Variants in RFT1 observed in about 807,000 individuals in gnomAD.
The protein encoded by RFT1 is man(5)GlcNAc(2)-PP-dolichol translocation protein RFT1.
Under a neutral mutation model 62.2 loss-of-function variants are expected in RFT1, and 43 were observed. That is an observed-to-expected ratio of 0.69 (90% CI 0.54 to 0.89). The LOEUF (loss-of-function observed/expected upper bound fraction) is 0.89. Ranked by LOEUF, RFT1 falls within the 40% of genes least tolerant of loss-of-function variation. The probability of loss-of-function intolerance (pLI) is 0.00; values close to 1 mark genes in which losing one functional copy is unlikely to be tolerated. For synonymous variants in RFT1, 262 were observed against 264.6 expected (o/e 0.99, Z 0.10); for missense variants, 605 against 649.9 (o/e 0.93, Z 0.75).
At chr3:53,099,278 G>A in intron 11 of RFT1, 103 bp downstream of exon 11, 2 of 902,866 alleles carry the variant, frequency 2.2e-6, no homozygotes, top group Non-Finnish European at 3.7e-6. Flanking sequence ...CTCTAAAACA[G>A]CCATCTGTAA....
intron 7 of RFT1, among the ~76,000 whole-genome samples, chr3:53,109,606 T>C (rs1317305375): frequency 6.6e-6 from 1 of 152,022 alleles, no homozygotes; most frequent in Non-Finnish European, 1.5e-5. Flanking sequence ...GTCCAGGAGT[T>C]CAAGACCAGT....
chr3:53,119,159 A>G (rs926809597), intron 6 of RFT1, among the ~76,000 whole-genome samples: 2 of 151,796 alleles, frequency 1.3e-5, no homozygotes, highest in Non-Finnish European at 2.9e-5. Context: ...GGCTGTAGTG[A>G]GCTATGATCA....
intron 10 of RFT1, 130 bp downstream of exon 10, chr3:53,103,823 C>G (rs1257492278): frequency 1.7e-6 from 2 of 1,151,836 alleles, no homozygotes; most frequent in Admixed American, 3.8e-5. Context: ...AGTCCCACAG[C>G]CCCTGCCACC....
intron 11 of RFT1, among the ~76,000 whole-genome samples, chr3:53,094,102 G>T (rs552648767): frequency 6.6e-6 from 1 of 152,128 alleles, no homozygotes; most frequent in Non-Finnish European, 1.5e-5. Context: ...CCTAGAACTT[G>T]GCCAGTACCC....
At chr3:53,092,269 G>A in intron 12 of RFT1, 100 bp downstream of exon 12, 1 of 1,514,106 alleles carries the variant, frequency 6.6e-7, no homozygotes, top group Non-Finnish European at 9.0e-7. Flanking sequence ...GGCCTGGGGA[G>A]GGGACAGGAG....
chr3:53,125,214 C>T (rs1702076171), intron 2 of RFT1, among the ~76,000 whole-genome samples: 1 of 152,198 alleles, frequency 6.6e-6, no homozygotes, highest in Admixed American at 6.5e-5. Flanking sequence ...ACATGAAATG[C>T]TGTCTGGAAC....
rs2107173212 is a variant in RFT1, at chr3:53,125,927, A to G, written c.131T>C (p.Val44Ala). The change falls in exon 2 of 13, where the codon GTT becomes GCT. Residue 44 changes from valine (V) to alanine (A), a missense_variant. Physicochemically the swap from Val to Ala is moderately conservative, Grantham distance 64. Transcript: ENST00000296292. ...FILRFLSKEI[V>A]GVVNVRLTLL... ...CTCCTACCTTACATTTACTACGCCAACGATTTCCTTTGACAGGAAGCGAAG... is the reference window on the plus strand; with the variant it reads ...CTCCTACCTTACATTTACTACGCCAGCGATTTCCTTTGACAGGAAGCGAAG... 6.2e-7 allele frequency: 1 copy of G among 1,613,838 alleles called. No homozygotes were observed. Among genetic ancestry groups the G allele is most frequent in the Non-Finnish European group, 8.5e-7 (1 of 1,179,764 alleles).
intron 9 of RFT1, among the ~76,000 whole-genome samples, chr3:53,105,072 G>A (rs1275265591): frequency 6.6e-6 from 1 of 152,236 alleles, no homozygotes; most frequent in African/African-American, 2.4e-5. Flanking sequence ...CTGGGCATCT[G>A]CAGGGCAATG....
At chr3:53,108,088 G>A (rs1575491492) in intron 7 of RFT1, among the ~76,000 whole-genome samples, 1 of 152,086 alleles carries the variant, frequency 6.6e-6, no homozygotes, top group African/African-American at 2.4e-5. Flanking sequence ...TTATTCTGTC[G>A]CCCAGGCTAG....
rs1575500112 is a variant in RFT1 at position 53,119,771 on chromosome 3, G to T, written c.696+113C>A. On this transcript the variant is annotated intron_variant, in intron 6 of 12. Transcript: ENST00000296292. ...CATAGAGCAAGCACTCCATAAATAT[G>T]AGCTATAAAATTCTATTTATGATTA... 13 of 1,023,004 alleles carry T rather than the reference G, an allele frequency of 1.3e-5. No homozygotes were observed. The East Asian group carries it at 3.1e-4, about 25-fold the overall frequency. The allele number at this position is 1,023,004 out of a possible 1,614,324, so 63.4% of individuals were successfully genotyped here. A position where few individuals can be genotyped will look rare whatever the true frequency, so the allele number is the denominator to read the frequency against.
chr3:53,092,828 T>A (rs558946631), intron 11 of RFT1, among the ~76,000 whole-genome samples: 7 of 152,354 alleles, frequency 4.6e-5, no homozygotes, highest in African/African-American at 1.7e-4. Context: ...AGGAGATGTA[T>A]GTTTTTTGAA....
At chr3:53,125,844 A>G (rs754489454) in intron 2 of RFT1, 65 bp downstream of exon 2, 365 of 1,226,484 alleles carry the variant, frequency 3.0e-4, no homozygotes, top group Non-Finnish European at 4.3e-4. Context: ...AAACAGGTAC[A>G]GAGTTTGAAG....
chr3:53,078,203 G>C, the RFT1 span: 3 of 152,308 alleles, frequency 2.0e-5, no homozygotes, highest in East Asian at 5.8e-4. Flanking sequence ...AGAAAGTGCT[G>C]GGAATAACCT....
At chr3:53,100,253 T>A (rs1701274405) in intron 10 of RFT1, among the ~76,000 whole-genome samples, 1 of 152,224 alleles carries the variant, frequency 6.6e-6, no homozygotes, top group Admixed American at 6.5e-5. Context: ...CCCATAATAG[T>A]ATTTTCTTCT....
intron 11 of RFT1, among the ~76,000 whole-genome samples, chr3:53,093,596 G>A (rs1261713475): frequency 6.6e-6 from 1 of 152,022 alleles, no homozygotes; most frequent in Non-Finnish European, 1.5e-5. Context: ...CCCAGATTCT[G>A]CACATGAGGG....
chr3:53,121,666 A>T, intron 5 of RFT1, 33 bp downstream of exon 5: 1 of 1,513,302 alleles, frequency 6.6e-7, no homozygotes, highest in South Asian at 1.1e-5. Flanking sequence ...AGAAACAAAG[A>T]TCATATAAAA....
chr3:53,088,327 A>C (rs2084027258), downstream of RFT1, among the ~76,000 whole-genome samples: 1 of 152,166 alleles, frequency 6.6e-6, no homozygotes, highest in Admixed American at 6.5e-5. Context: ...CAAAGTCAAG[A>C]AGCCCAGTCC....
the RFT1 span, among the ~76,000 whole-genome samples, chr3:53,071,459 C>G: frequency 6.6e-6 from 1 of 152,176 alleles, no homozygotes; most frequent in African/African-American, 2.4e-5. Context: ...ATGGGGCCAC[C>G]CTCCTCGCTA....
intron 1 of RFT1, among the ~76,000 whole-genome samples, chr3:53,128,883 T>C (rs1243478915): frequency 3.3e-5 from 5 of 152,180 alleles, no homozygotes; most frequent in Non-Finnish European, 5.9e-5. Context: ...ACGAGGTAAA[T>C]GCACAGGAAG....
Sources: allele counts gnomAD v4.1 joint callset (sites outside exome capture counted in the v4.1 genomes callset), GRCh38; gene constraint gnomAD v4.1.1; transcripts MANE v1.5; gene names NCBI Gene and HGNC (gene_info 2026-07-23, HGNC 2026-07-21).